The following FZD9 variants were observed in gnomAD, a reference collection of about 807,000 sequenced individuals.
FZD9 encodes frizzled class receptor 9.
FZD9 carries 29 observed loss-of-function variants against 29.9 expected under a neutral mutation model. The observed-to-expected ratio is 0.97, with a 90% confidence interval of 0.72 to 1.32. The LOEUF is 1.32. Among genes scored for constraint, FZD9 ranks in the 40% most tolerant of loss-of-function variants. FZD9 has a pLI of 0.00. For missense variants in FZD9, 822 were observed against 857.8 expected, an observed-to-expected ratio of 0.96 and a Z score of 0.52; for synonymous variants, 384 against 393.9, an observed-to-expected ratio of 0.97 and a Z score of 0.30.
Position 73,435,405 on chromosome 7 carries a change from T to G in FZD9, c.1398T>G (p.Tyr466Ter). The change falls in exon 1 of 1, where the codon TAT becomes TAG. Residue 466 changes from tyrosine to a stop codon, truncating the protein, a stop_gained. Coordinates refer to ENST00000344575, the MANE Select transcript of FZD9 (RefSeq NM_003508.3). LOFTEE classifies it high-confidence loss of function. Reference sequence around the variant, plus strand: ...CCGCCACCTGCGTCATCGTTTGCTATGTCTACGAACGCCTCAACATGGACT... The same window carrying G: ...CCGCCACCTGCGTCATCGTTTGCTAGGTCTACGAACGCCTCAACATGGACT... ...TVPATCVIVC[Y>*]VYERLNMDFW... 1 of 1,613,954 alleles carries G rather than the reference T, an allele frequency of 6.2e-7. No individual in the cohort carries two copies. Among genetic ancestry groups the G allele is most frequent in the Non-Finnish European group, 8.5e-7 (1 of 1,179,988 alleles).
chr7:73,433,962 G>C lies in FZD9; in HGVS notation c.-46G>C. ...ACCGGGGCGCGGGACCGCTGAGCCC[G>C]AGTGAGCCGGGGCCGCGCTCCCGCC... On this transcript the variant is annotated 5_prime_UTR_variant, in exon 1 of 1. Transcript: ENST00000344575. 1 of 1,159,830 alleles carries C rather than the reference G, an allele frequency of 8.6e-7. No individual in the cohort carries two copies. Among genetic ancestry groups the C allele is most frequent in the Non-Finnish European group, 1.1e-6 (1 of 942,074 alleles). The allele number at this position is 1,159,830 out of a possible 1,614,324, so 71.8% of individuals were successfully genotyped here.
chr7:73,434,506 C>T lies in FZD9; in HGVS notation c.499C>T (p.His167Tyr). 3 of 1,468,710 alleles carry T rather than the reference C, an allele frequency of 2.0e-6. No individual in the cohort carries two copies. Among genetic ancestry groups the T allele is most frequent in the Non-Finnish European group, 2.7e-6 (3 of 1,118,736 alleles). 91.0% of individuals were successfully genotyped at this position (1,468,710 alleles called of 1,614,324 possible). A position where few individuals can be genotyped will look rare whatever the true frequency, so the allele number is the denominator to read the frequency against. ...ENATAGPAEP[H>Y]KGLGMLPVAP... ...CGCCACGGCCGGCCCCGCGGAGCCC[C>T]ACAAGGGCCTGGGCATGCTGCCCGT... Residue 167 changes from histidine (H) to tyrosine (Y), a missense_variant, in exon 1 of 1, where the codon CAC becomes TAC. Physicochemically the swap from His to Tyr is moderately conservative, Grantham distance 83 (BLOSUM62 2). Transcript: ENST00000344575.
Position 73,434,182 on chromosome 7 carries a change from A to C in FZD9, c.175A>C (p.Asn59His). The part of the protein sequence containing the change: ...GIGYNLTRMP[N>H]LLGHTSQGEA... ...CGGCTACAACCTGACCCGCATGCCCAACCTGCTGGGCCACACGTCGCAGGG... is the reference window on the plus strand; with the variant it reads ...CGGCTACAACCTGACCCGCATGCCCCACCTGCTGGGCCACACGTCGCAGGG... The change falls in exon 1 of 1, where the codon AAC becomes CAC. Residue 59 changes from asparagine (N) to histidine (H), a missense_variant. By Grantham distance (68) the Asn-to-His change is moderately conservative. Coordinates refer to ENST00000344575, the MANE Select transcript of FZD9 (RefSeq NM_003508.3). The C allele has an allele frequency of 6.4e-7, 1 of 1,574,236 alleles. No homozygotes were observed.
chr7:73,435,070 G>A lies in FZD9; in HGVS notation c.1063G>A (p.Gly355Ser), dbSNP rs921189985. Residue 355 changes from glycine (G) to serine (S), a missense_variant, in exon 1 of 1, where the codon GGC (glycine) becomes AGC (serine). Transcript: ENST00000344575. The part of the protein sequence containing the change: ...KWGHEAIEAH[G>S]SYFHMAAWGL... ...GGGCCACGAGGCCATCGAGGCCCACGGCAGCTATTTCCACATGGCTGCCTG... is the reference window on the plus strand; with the variant it reads ...GGGCCACGAGGCCATCGAGGCCCACAGCAGCTATTTCCACATGGCTGCCTG... 5.6e-6 allele frequency: 9 copies of A among 1,613,020 alleles called. No individual in the cohort carries two copies. The highest frequency in any genetic ancestry group is 1.7e-5 in the Admixed American group (1 of 60,008).
chr7:73,434,808 C>T lies in FZD9; in HGVS notation c.801C>T (p.Ile267=), dbSNP rs781923345. The T allele has an allele frequency of 1.2e-6, 2 of 1,613,192 alleles. No homozygotes were observed. The highest frequency in any genetic ancestry group is 1.1e-5 in the South Asian group (1 of 91,086). ...PHRFQYPERP[I]IFLSMCYNVY... ...GCTTCCAGTACCCCGAGCGCCCCATCATCTTCCTCTCCATGTGCTACAACG... is the reference window on the plus strand; with the variant it reads ...GCTTCCAGTACCCCGAGCGCCCCATTATCTTCCTCTCCATGTGCTACAACG... Residue 267 remains isoleucine, a synonymous_variant, in exon 1 of 1, where the codon ATC becomes ATT. Transcript: ENST00000344575.
rs537327658 is a variant in FZD9, at chr7:73,435,801, G to A, written c.*18G>A. The A allele has an allele frequency of 3.2e-5, 49 of 1,551,418 alleles. No homozygotes were observed. In the East Asian group the frequency reaches 1.0e-3, roughly 32 times the overall value. ...ACCTCTAGCCACACAGGCCTGGCGCGGGGTGGCTGCTGCCCCCTCCTTGCC... is the reference window on the plus strand; with the variant it reads ...ACCTCTAGCCACACAGGCCTGGCGCAGGGTGGCTGCTGCCCCCTCCTTGCC... On this transcript the variant is annotated 3_prime_UTR_variant, in exon 1 of 1. Transcript: ENST00000344575.
In FZD9 at chr7:73,435,588, G is replaced by A; in HGVS notation, c.1581G>A (p.Trp527Ter). 6.2e-7 allele frequency: 1 copy of A among 1,613,264 alleles called. No individual in the cohort carries two copies. Among genetic ancestry groups the A allele is most frequent in the Non-Finnish European group, 8.5e-7 (1 of 1,179,924 alleles). ...SLVVGITSGV[W>*]VWSSKTFQTW... is the part of the protein sequence containing the mutation. ...TGGTGGGGATCACCAGCGGCGTCTG[G>A]GTGTGGAGCTCCAAGACTTTCCAGA... Residue 527 changes from tryptophan (W) to a stop codon, truncating the protein, a stop_gained, in exon 1 of 1, where the codon TGG (tryptophan) becomes TGA (stop). Coordinates refer to ENST00000344575, the MANE Select transcript of FZD9 (RefSeq NM_003508.3). LOFTEE classifies it high-confidence loss of function.
chr7:73,433,865 C>A lies in FZD9; in HGVS notation c.-143C>A, dbSNP rs1356980068. On this transcript the variant is annotated 5_prime_UTR_variant, in exon 1 of 1. Transcript: ENST00000344575. Reference sequence around the variant, plus strand: ...CCTGTCCCTCGGGCGGCTGCCCGCTCGCTGCCCAGGGCGCCCGGACACACG... The same window carrying A: ...CCTGTCCCTCGGGCGGCTGCCCGCTAGCTGCCCAGGGCGCCCGGACACACG... The A allele has an allele frequency of 5.1e-6, 3 of 593,026 alleles. No homozygotes were observed. Among genetic ancestry groups the A allele is most frequent in the South Asian group, 1.4e-4 (2 of 13,916 alleles). 36.7% of individuals were successfully genotyped at this position (593,026 alleles called of 1,614,324 possible). A position where few individuals can be genotyped will look rare whatever the true frequency, so the allele number is the denominator to read the frequency against.
chr7:73,434,426 C>T lies in FZD9; in HGVS notation c.419C>T (p.Ala140Val), dbSNP rs1230570552. The T allele has an allele frequency of 1.3e-5, 20 of 1,559,462 alleles. No homozygotes were observed. Among genetic ancestry groups the T allele is most frequent in the Non-Finnish European group, 1.6e-5 (19 of 1,161,782 alleles). Residue 140 changes from alanine (A) to valine (V), a missense_variant, in exon 1 of 1, where the codon GCC (alanine) becomes GTC (valine). Coordinates refer to ENST00000344575, the MANE Select transcript of FZD9 (RefSeq NM_003508.3). Reference protein sequence around the residue: ...NFGWPDSLDCARLPTRNDPHA... With the variant: ...NFGWPDSLDCVRLPTRNDPHA... ...GGCTGGCCGGACTCGCTCGACTGCG[C>T]CCGGCTGCCCACGCGCAACGACCCG...
Position 73,435,940 on chromosome 7 carries a change from C to A in FZD9, c.*157C>A. On this transcript the variant is annotated 3_prime_UTR_variant, in exon 1 of 1. Coordinates refer to ENST00000344575, the MANE Select transcript of FZD9 (RefSeq NM_003508.3). Reference sequence around the variant, plus strand: ...AGGATCAGGGCGGGACCCCGTGAGGCTCATTAGGGGAGATGGGGGTCTCCC... The same window carrying A: ...AGGATCAGGGCGGGACCCCGTGAGGATCATTAGGGGAGATGGGGGTCTCCC... 1.0e-6 allele frequency: 1 copy of A among 994,062 alleles called. No individual in the cohort carries two copies. The highest frequency in any genetic ancestry group is 1.5e-6 in the Non-Finnish European group (1 of 673,274). The allele number at this position is 994,062 out of a possible 1,614,324, so 61.6% of individuals were successfully genotyped here. A position where few individuals can be genotyped will look rare whatever the true frequency, so the allele number is the denominator to read the frequency against.
Position 73,435,498 on chromosome 7 carries a change from C to T in FZD9, c.1491C>T (p.Cys497=). The change falls in exon 1 of 1, where the codon TGC becomes TGT. Residue 497 remains cysteine (C), a synonymous_variant. Coordinates refer to ENST00000344575, the MANE Select transcript of FZD9 (RefSeq NM_003508.3). ...AAAGPGGRRD[C]SLPGGSVPTV... is the part of the protein sequence containing the mutation. ...CGGGGCCCGGAGGCCGGAGGGACTG[C>T]TCGCTGCCAGGGGGCTCGGTGCCCA... 6.2e-7 allele frequency: 1 copy of T among 1,612,926 alleles called. No homozygotes were observed. The highest frequency in any genetic ancestry group is 8.5e-7 in the Non-Finnish European group (1 of 1,179,598).
rs782170224 is a variant in FZD9, at chr7:73,435,604, A to T, written c.1597A>T (p.Thr533Ser). 6.2e-6 allele frequency: 10 copies of T among 1,612,908 alleles called. No homozygotes were observed. Among genetic ancestry groups the T allele is most frequent in the Non-Finnish European group, 8.5e-6 (10 of 1,179,834 alleles). Reference sequence around the variant, plus strand: ...CGGCGTCTGGGTGTGGAGCTCCAAGACTTTCCAGACCTGGCAGAGCCTGTG... The same window carrying T: ...CGGCGTCTGGGTGTGGAGCTCCAAGTCTTTCCAGACCTGGCAGAGCCTGTG... Reference protein sequence around the residue: ...TSGVWVWSSKTFQTWQSLCYR... With the variant: ...TSGVWVWSSKSFQTWQSLCYR... Residue 533 changes from threonine to serine, a missense_variant, in exon 1 of 1, where the codon ACT becomes TCT. Thr to Ser is a moderately conservative substitution (Grantham distance 58). Coordinates refer to ENST00000344575, the MANE Select transcript of FZD9 (RefSeq NM_003508.3).
In FZD9 at chr7:73,434,122, T is replaced by A; in HGVS notation, c.115T>A (p.Cys39Ser). 1 of 1,515,344 alleles carries A rather than the reference T, an allele frequency of 6.6e-7. No homozygotes were observed. The highest frequency in any genetic ancestry group is 8.8e-7 in the Non-Finnish European group (1 of 1,140,646). 93.9% of individuals were successfully genotyped at this position (1,515,344 alleles called of 1,614,324 possible). A position where few individuals can be genotyped will look rare whatever the true frequency, so the allele number is the denominator to read the frequency against. Reference protein sequence around the residue: ...DPERGRGAAPCQAVEIPMCRG... With the variant: ...DPERGRGAAPSQAVEIPMCRG... The stretch of plus-strand genomic sequence containing the variant: ...GGAGCGCGGGCGCGGGGCTGCGCCG[T>A]GCCAGGCGGTGGAGATCCCCATGTG... Residue 39 changes from cysteine (C) to serine (S), a missense_variant, in exon 1 of 1, where the codon TGC becomes AGC. Coordinates refer to ENST00000344575, the MANE Select transcript of FZD9 (RefSeq NM_003508.3).
At position 73,434,972 on chromosome 7, in the gene FZD9, A is replaced by C; in HGVS notation, c.965A>C (p.Tyr322Ser). 6.2e-7 allele frequency: 1 copy of C among 1,613,942 alleles called. No individual in the cohort carries two copies. The highest frequency in any genetic ancestry group is 8.5e-7 in the Non-Finnish European group (1 of 1,179,994). Reference protein sequence around the residue: ...GCTLVFLLLYYFGMASSLWWV... With the variant: ...GCTLVFLLLYSFGMASSLWWV... The stretch of plus-strand genomic sequence containing the variant: ...ACGCTGGTCTTCCTACTGCTCTACT[A>C]CTTCGGCATGGCCAGCTCGCTCTGG... Residue 322 changes from tyrosine to serine, a missense_variant, in exon 1 of 1, where the codon TAC (tyrosine) becomes TCC (serine). Coordinates refer to ENST00000344575, the MANE Select transcript of FZD9 (RefSeq NM_003508.3).
chr7:73,435,358 T>G lies in FZD9; in HGVS notation c.1351T>G (p.Phe451Val). ...GAAGCTCATGGTCAAGATCGGGGTC[T>G]TCTCCATCCTCTACACGGTGCCCGC... The part of the protein sequence containing the change: ...LEKLMVKIGV[F>V]SILYTVPATC... Residue 451 changes from phenylalanine to valine, a missense_variant, in exon 1 of 1, where the codon TTC becomes GTC. Phe to Val is a conservative substitution (Grantham distance 50). Transcript: ENST00000344575. The G allele has an allele frequency of 6.2e-7, 1 of 1,613,886 alleles. No homozygotes were observed. The highest frequency in any genetic ancestry group is 1.3e-5 in the African/African-American group (1 of 75,070).
chr7:73,435,104 C>A lies in FZD9; in HGVS notation c.1097C>A (p.Pro366His), dbSNP rs782311502. 6.2e-7 allele frequency: 1 copy of A among 1,611,646 alleles called. No individual in the cohort carries two copies. Among genetic ancestry groups the A allele is most frequent in the Non-Finnish European group, 8.5e-7 (1 of 1,178,978 alleles). Reference protein sequence around the residue: ...SYFHMAAWGLPALKTIVILTL... With the variant: ...SYFHMAAWGLHALKTIVILTL... ...TTCCACATGGCTGCCTGGGGCCTGC[C>A]CGCGCTCAAGACCATCGTCATCCTG... Residue 366 changes from proline (P) to histidine (H), a missense_variant, in exon 1 of 1, where the codon CCC (proline) becomes CAC (histidine). Pro to His is a moderately conservative substitution (Grantham distance 77). Transcript: ENST00000344575.
chr7:73,434,780 A>T lies in FZD9; in HGVS notation c.773A>T (p.His258Leu), dbSNP rs1554563432. ...GTGCTCACCTTCTTGCTGGAGCCCCACCGCTTCCAGTACCCCGAGCGCCCC... is the reference window on the plus strand; with the variant it reads ...GTGCTCACCTTCTTGCTGGAGCCCCTCCGCTTCCAGTACCCCGAGCGCCCC... Reference protein sequence around the residue: ...FTVLTFLLEPHRFQYPERPII... With the variant: ...FTVLTFLLEPLRFQYPERPII... Residue 258 changes from histidine (H) to leucine (L), a missense_variant, in exon 1 of 1, where the codon CAC becomes CTC. His to Leu is a moderately conservative substitution (Grantham distance 99, BLOSUM62 -3). Coordinates refer to ENST00000344575, the MANE Select transcript of FZD9 (RefSeq NM_003508.3). The T allele has an allele frequency of 6.2e-7, 1 of 1,612,492 alleles. No homozygotes were observed. Among genetic ancestry groups the T allele is most frequent in the East Asian group, 2.2e-5 (1 of 44,868 alleles).
rs782165499 is a variant in FZD9 at position 73,434,322 on chromosome 7, G to C, written c.315G>C (p.Ser105=). ...CGCCCATGTGCACCGACCAGGTCTC[G>C]ACGCCCATTCCCGCCTGCCGGCCCA... ...LYAPMCTDQV[S]TPIPACRPMC... The change falls in exon 1 of 1, where the codon TCG becomes TCC. Residue 105 remains serine (S), a synonymous_variant. Transcript: ENST00000344575. 8 of 1,584,998 alleles carry C rather than the reference G, an allele frequency of 5.0e-6. No individual in the cohort carries two copies. In the African/African-American group the frequency reaches 9.5e-5, roughly 19 times the overall value.
chr7:73,434,403 C>A lies in FZD9; in HGVS notation c.396C>A (p.Gly132=). ...CCATCATGGAGCAGTTCAACTTCGG[C>A]TGGCCGGACTCGCTCGACTGCGCCC... is the stretch of plus-strand genomic sequence containing the variant. The part of the protein sequence containing the change: ...CAPIMEQFNF[G]WPDSLDCARL... The change falls in exon 1 of 1, where the codon GGC becomes GGA. Residue 132 remains glycine (G), a synonymous_variant. Coordinates refer to ENST00000344575, the MANE Select transcript of FZD9 (RefSeq NM_003508.3). 3 of 1,572,686 alleles carry A rather than the reference C, an allele frequency of 1.9e-6. No homozygotes were observed. The highest frequency in any genetic ancestry group is 1.4e-5 in the African/African-American group (1 of 72,490).
Sources: gnomAD v4.1 joint callset for allele counts on GRCh38, gnomAD v4.1.1 for gene constraint, MANE v1.5 for transcripts, NCBI Gene and HGNC (gene_info 2026-07-23, HGNC 2026-07-21) for gene names.